GLRA1: variants seen among roughly 807,000 people sequenced by gnomAD.
GLRA1 encodes the protein glycine receptor subunit alpha-1.
Under a neutral mutation model 48.3 loss-of-function variants are expected in GLRA1, and 37 were observed. The ratio of observed to expected loss-of-function variants is 0.77; its 90% CI spans 0.59 to 1.01. The LOEUF (loss-of-function observed/expected upper bound fraction) is 1.01, where lower values mean the gene tolerates loss of function less well. Among genes scored for constraint, GLRA1 ranks in the 50% least tolerant of loss-of-function variants. The probability of loss-of-function intolerance (pLI) is 0.00; values close to 1 mark genes in which losing one functional copy is unlikely to be tolerated. For synonymous variants in GLRA1, 196 were observed against 210.7 expected (o/e 0.93, Z 0.60); for missense variants, 427 against 571.0 (o/e 0.75, Z 2.57).
At chr5:151,889,663 C>G (rs1249030943) in intron 2 of GLRA1, among the ~76,000 whole-genome samples, 1 of 152,140 alleles carries the variant, frequency 6.6e-6, no homozygotes, top group Admixed American at 6.5e-5. Flanking sequence ...TTAAACAATG[C>G]AGACCTCTTT....
At position 151,916,272 on chromosome 5, in the gene GLRA1, G is replaced by A. The variant is rs1194551861; in HGVS notation, c.56+8222C>T. Among the ~76,000 whole-genome samples the A allele has an allele frequency of 3.9e-5, 6 of 152,138 alleles. No homozygotes were observed. The South Asian group carries it at 1.0e-3, about 26-fold the overall frequency. ...TATATCTAATTTTTAAGGTGATTGG[G>A]CAGCTTATATGAGATCATGGATATA... is the stretch of plus-strand genomic sequence containing the variant. On this transcript the variant is annotated intron_variant, in intron 1 of 8. Transcript: ENST00000274576.
At chr5:151,868,401 T>C (rs1561563870) in intron 3 of GLRA1, among the ~76,000 whole-genome samples, 1 of 152,234 alleles carries the variant, frequency 6.6e-6, no homozygotes, top group East Asian at 1.9e-4. Context: ...TGTGTTATTT[T>C]TTATCTTCAC....
intron 3 of GLRA1, among the ~76,000 whole-genome samples, chr5:151,874,482 G>A (rs1240962074): frequency 1.3e-5 from 2 of 152,106 alleles, no homozygotes; most frequent in Non-Finnish European, 2.9e-5. Flanking sequence ...ACAACAGATG[G>A]GGGTGTGCTT....
intron 7 of GLRA1, among the ~76,000 whole-genome samples, chr5:151,845,553 T>A (rs746290172): frequency 6.6e-6 from 1 of 152,168 alleles, no homozygotes; most frequent in Non-Finnish European, 1.5e-5. Context: ...TAAATGGCTA[T>A]AGTTAAAAAA....
intron 1 of GLRA1, among the ~76,000 whole-genome samples, chr5:151,907,277 C>G (rs1380907315): frequency 6.6e-6 from 1 of 152,158 alleles, no homozygotes; most frequent in Non-Finnish European, 1.5e-5. Flanking sequence ...TATCTATAAT[C>G]TTTCTATTTG....
chr5:151,856,293 A>C lies in GLRA1; in HGVS notation c.559+8T>G, dbSNP rs73285947. ...GTTCTTTCTAGAGGACTCATGCAAG[A>C]CACTCACAGCTTTCCAGTTGCATGA... On this transcript the variant is annotated splice_region_variant and intron_variant, in intron 5 of 8. Coordinates refer to ENST00000274576, the MANE Select transcript of GLRA1 (RefSeq NM_000171.4). 3.2e-3 allele frequency: 5,104 copies of C among 1,593,668 alleles called. 165 individuals carry two copies. In the African/African-American group the frequency reaches 0.06, roughly 19 times the overall value.
At chr5:151,857,104 T>A (rs1467384721) in intron 4 of GLRA1, among the ~76,000 whole-genome samples, 1 of 152,172 alleles carries the variant, frequency 6.6e-6, no homozygotes, top group Non-Finnish European at 1.5e-5. Flanking sequence ...GGCCCAGGCC[T>A]GAAGCAGCGA....
intron 1 of GLRA1, among the ~76,000 whole-genome samples, chr5:151,907,206 T>C (rs961074682): frequency 2.0e-5 from 3 of 152,152 alleles, no homozygotes; most frequent in African/African-American, 7.2e-5. Flanking sequence ...AAAATACAGA[T>C]AAATTGTTTA....
intron 3 of GLRA1, among the ~76,000 whole-genome samples, chr5:151,860,668 G>A (rs1753173423): frequency 6.6e-6 from 1 of 152,096 alleles, no homozygotes; most frequent in South Asian, 2.1e-4. Flanking sequence ...TGTGACATAT[G>A]TTGATTTGTT....
intron 1 of GLRA1, among the ~76,000 whole-genome samples, chr5:151,910,939 A>G (rs181015458): frequency 2.6e-5 from 4 of 152,352 alleles, no homozygotes; most frequent in Middle Eastern, 6.8e-3. Context: ...TCCTCAATGT[A>G]TCTATCCCCA....
intron 6 of GLRA1, 138 bp from the exon 7 acceptor site, chr5:151,851,742 T>C: frequency 1.4e-6 from 1 of 693,932 alleles, no homozygotes; most frequent in Non-Finnish European, 2.6e-6. Flanking sequence ...AATTGTTCTG[T>C]ATCTGTTTCC....
At chr5:151,852,108 C>T (rs1258884576) in intron 6 of GLRA1, among the ~76,000 whole-genome samples, 3 of 152,164 alleles carry the variant, frequency 2.0e-5, no homozygotes, top group Non-Finnish European at 4.4e-5. Flanking sequence ...AAAGTTTAAA[C>T]TCTTTAGCCT....
chr5:151,885,043 G>C (rs1484371286), intron 3 of GLRA1, among the ~76,000 whole-genome samples: 2 of 152,174 alleles, frequency 1.3e-5, no homozygotes, highest in Admixed American at 1.3e-4. Flanking sequence ...TAAGAGGCCT[G>C]TTACTTTAGG....
chr5:151,849,094 A>ATT (rs1667718112), intron 7 of GLRA1: 4 of 250,686 alleles, frequency 1.6e-5, no homozygotes, highest in African/African-American at 4.2e-5. Context: ...TTTCCTTTTT[A>ATT]TTTCTTTTCT....
chr5:151,911,969 A>G (rs543780625), intron 1 of GLRA1, among the ~76,000 whole-genome samples: 1 of 152,340 alleles, frequency 6.6e-6, no homozygotes, highest in Admixed American at 6.5e-5. Context: ...GAATTAGGCA[A>G]TGACAGCTGG....
chr5:151,883,018 A>G (rs1753796938), intron 3 of GLRA1, among the ~76,000 whole-genome samples: 2 of 152,202 alleles, frequency 1.3e-5, no homozygotes, highest in Admixed American at 1.3e-4. Flanking sequence ...ATGTTAAGTG[A>G]GATCTAGTAA....
At chr5:151,828,804 C>G (rs970128328) in intron 8 of GLRA1, 117 bp downstream of exon 8, 2 of 1,073,066 alleles carry the variant, frequency 1.9e-6, no homozygotes, top group African/African-American at 3.2e-5. Context: ...TATTTCTAAC[C>G]TGCCTTGCAC....
At chr5:151,886,532 A>G (rs1753911243) in intron 3 of GLRA1, among the ~76,000 whole-genome samples, 189 bp downstream of exon 3, 1 of 152,194 alleles carries the variant, frequency 6.6e-6, no homozygotes, top group African/African-American at 2.4e-5. Flanking sequence ...CTATTTTCAG[A>G]TATTATGTAT....
chr5:151,826,192 T>C (rs1182879461), intron 8 of GLRA1, among the ~76,000 whole-genome samples: 2 of 152,188 alleles, frequency 1.3e-5, no homozygotes, highest in African/African-American at 4.8e-5. Context: ...ACCAATACCT[T>C]ATGGGAAGCA....
Sources: allele counts gnomAD v4.1 joint callset (sites outside exome capture counted in the v4.1 genomes callset), GRCh38; gene constraint gnomAD v4.1.1; transcripts MANE v1.5; gene names NCBI Gene and HGNC (gene_info 2026-07-23, HGNC 2026-07-21).